The following TJP2 variants were observed in gnomAD, a reference collection of about 807,000 sequenced individuals.
TJP2 encodes tight junction protein 2, also known as Friedreich ataxia region gene X104 (tight junction protein ZO-2).
A neutral mutation model predicts 133.1 loss-of-function variants in TJP2; 91 were observed. That is an observed-to-expected ratio of 0.68 (90% CI 0.58 to 0.81). TJP2 has a LOEUF of 0.81. Ranked by LOEUF, TJP2 falls within the 40% of genes least tolerant of loss-of-function variation. The probability of loss-of-function intolerance (pLI) is 0.00; values close to 1 mark genes in which losing one functional copy is unlikely to be tolerated. For synonymous variants in TJP2, 592 were observed against 583.4 expected (o/e 1.01, Z -0.21); for missense variants, 1,541 against 1,565.6 (o/e 0.98, Z 0.26).
intron 1 of TJP2, among the ~76,000 whole-genome samples, chr9:69,201,554 C>T (rs1826993998): frequency 6.6e-6 from 1 of 152,106 alleles, no homozygotes; most frequent in Admixed American, 6.5e-5. Flanking sequence ...GAGGGCAGTG[C>T]TTTATTTGTT....
intron 5 of TJP2, among the ~76,000 whole-genome samples, chr9:69,223,698 T>C (rs892207116): frequency 6.6e-6 from 1 of 152,224 alleles, no homozygotes; most frequent in African/African-American, 2.4e-5. Context: ...CCTTCTGTTC[T>C]GGGCTGTGAG....
At chr9:69,225,211 T>C in intron 5 of TJP2, 93 bp from the exon 6 acceptor site, 1 of 843,832 alleles carries the variant, frequency 1.2e-6, no homozygotes, top group Non-Finnish European at 2.0e-6. Context: ...AAATTAACTT[T>C]TTAATACATA....
intron 1 of TJP2, among the ~76,000 whole-genome samples, chr9:69,197,528 A>G (rs907300691): frequency 1.3e-5 from 2 of 151,924 alleles, no homozygotes; most frequent in African/African-American, 4.8e-5. Context: ...TTTTTCTACC[A>G]TGTGTTCGTA....
At chr9:69,247,231 A>C (rs1312973714) in intron 18 of TJP2, among the ~76,000 whole-genome samples, 2 of 152,244 alleles carry the variant, frequency 1.3e-5, no homozygotes, top group Non-Finnish European at 2.9e-5. Flanking sequence ...AGAATGTGCC[A>C]TCGTTCTGGG....
intron 3 of TJP2, among the ~76,000 whole-genome samples, chr9:69,216,962 T>G (rs1828431827): frequency 6.7e-6 from 1 of 148,630 alleles, no homozygotes; most frequent in Admixed American, 6.9e-5. Flanking sequence ...ACCATTTTAT[T>G]TTAATTTTTA....
At chr9:69,195,585 T>C (rs1334292672) in intron 1 of TJP2, among the ~76,000 whole-genome samples, 1 of 152,156 alleles carries the variant, frequency 6.6e-6, no homozygotes, top group Non-Finnish European at 1.5e-5. Flanking sequence ...GGTTAGGGTA[T>C]AGGGTTTTTG....
chr9:69,125,087 G>C lies in TJP2; in HGVS notation c.-131+3362G>C, dbSNP rs1822268966. Reference sequence around the variant, plus strand: ...CGTGCCTCAGCCTCCCAAGTAGCTGGGTTTACAGGCATGTGCCACCACGCT... The same window carrying C: ...CGTGCCTCAGCCTCCCAAGTAGCTGCGTTTACAGGCATGTGCCACCACGCT... On this transcript the variant is annotated intron_variant, in intron 1 of 5. Coordinates refer to the TJP2 transcript ENST00000423935. 2.7e-5 allele frequency among the ~76,000 whole-genome samples: 2 copies of C among 75,028 alleles called. 1 individual carries two copies. Among genetic ancestry groups the C allele is most frequent in the Non-Finnish European group, 6.0e-5 (2 of 33,068 alleles). 49.2% of individuals were successfully genotyped at this position (75,028 alleles called of 152,430 possible).
At chr9:69,237,829 A>G (rs776614902) in intron 14 of TJP2, 49 bp from the exon 15 acceptor site, 38 of 1,328,488 alleles carry the variant, frequency 2.9e-5, no homozygotes, top group Non-Finnish European at 4.0e-5. Flanking sequence ...TGCTTATCAT[A>G]ACAGCTAGGC....
chr9:69,211,405 C>T (rs1466793392), intron 1 of TJP2, among the ~76,000 whole-genome samples: 3 of 152,186 alleles, frequency 2.0e-5, no homozygotes, highest in Non-Finnish European at 1.5e-5. Context: ...TTGTCTGTGG[C>T]TGGTATTTCA....
chr9:69,184,390 C>T (rs2133015828), intron 1 of TJP2, among the ~76,000 whole-genome samples: 1 of 152,320 alleles, frequency 6.6e-6, no homozygotes, highest in African/African-American at 2.4e-5. Flanking sequence ...TCAGCATCTC[C>T]AGCCTTGAGG....
Position 69,221,204 on chromosome 9 carries a change from C to A in TJP2, c.660C>A (p.Ser220Arg), listed in dbSNP as rs969121869. The A allele has an allele frequency of 1.9e-6, 3 of 1,603,324 alleles. No individual in the cohort carries two copies. Among genetic ancestry groups the A allele is most frequent in the Non-Finnish European group, 1.7e-6 (2 of 1,175,118 alleles). Residue 220 changes from serine to arginine, a missense_variant, in exon 5 of 23, where the codon AGC (serine) becomes AGA (arginine). Coordinates refer to ENST00000377245, the MANE Select transcript of TJP2 (RefSeq NM_004817.4). Reference protein sequence around the residue: ...ARTRDRSRGRSLERGLDHDFG... With the variant: ...ARTRDRSRGRRLERGLDHDFG... ...CCCGAGACCGCAGCCGTGGCCGGAGCCTGGAGCGGGGCCTGGACCACGACT... is the reference window on the plus strand; with the variant it reads ...CCCGAGACCGCAGCCGTGGCCGGAGACTGGAGCGGGGCCTGGACCACGACT...
chr9:69,190,078 C>T (rs1329559807), intron 1 of TJP2, among the ~76,000 whole-genome samples: 2 of 151,004 alleles, frequency 1.3e-5, no homozygotes, highest in African/African-American at 2.4e-5. Flanking sequence ...CCACTGCACT[C>T]CAGCCTGGGC....
At chr9:69,191,567 T>C (rs967996822) in intron 1 of TJP2, among the ~76,000 whole-genome samples, 1 of 152,212 alleles carries the variant, frequency 6.6e-6, no homozygotes, top group Admixed American at 6.5e-5. Flanking sequence ...TGAATGTATG[T>C]ATCAGTCACT....
intron 2 of TJP2, among the ~76,000 whole-genome samples, chr9:69,156,319 G>A (rs1823753591): frequency 6.6e-6 from 1 of 152,072 alleles, no homozygotes; most frequent in South Asian, 2.1e-4. Context: ...AGCTGAGATT[G>A]CCACTGCACT....
In TJP2 at chr9:69,254,742, G is replaced by A. The variant is rs910742874; in HGVS notation, c.*368G>A. 1.9e-6 allele frequency: 1 copy of A among 528,688 alleles called. No homozygotes were observed. Among genetic ancestry groups the A allele is most frequent in the Non-Finnish European group, 3.3e-6 (1 of 300,856 alleles). 32.7% of individuals were successfully genotyped at this position (528,688 alleles called of 1,614,324 possible). A position where few individuals can be genotyped will look rare whatever the true frequency, so the allele number is the denominator to read the frequency against. ...ATAGCTGCCTTCAAGGACTGTTTCAGTGTGAGTCAGAATGTGAAAAAGGAA... is the reference window on the plus strand; with the variant it reads ...ATAGCTGCCTTCAAGGACTGTTTCAATGTGAGTCAGAATGTGAAAAAGGAA... On this transcript the variant is annotated 3_prime_UTR_variant, in exon 23 of 23. Transcript: ENST00000377245.
intron 19 of TJP2, chr9:69,248,970 CA>C (rs56986564): frequency 0.33 from 292,425 of 882,774 alleles, 5,293 homozygotes; most frequent in South Asian, 0.37. Flanking sequence ...ATAGAACTAC[CA>C]AAAAAAAAAA....
chr9:69,187,516 T>C (rs1182128151), intron 1 of TJP2, among the ~76,000 whole-genome samples: 1 of 152,234 alleles, frequency 6.6e-6, no homozygotes, highest in Non-Finnish European at 1.5e-5. Flanking sequence ...CCTTTATCTT[T>C]CAGCAACATA....
intron 1 of TJP2, among the ~76,000 whole-genome samples, chr9:69,139,869 CCA>C (rs975838609): frequency 1.7e-4 from 26 of 152,284 alleles, no homozygotes; most frequent in African/African-American, 5.5e-4. Flanking sequence ...CCCTATACTG[CCA>C]CAGAGTCCCC....
chr9:69,229,093 T>G (rs1276988638), intron 9 of TJP2, 91 bp from the exon 10 acceptor site: 1 of 1,233,134 alleles, frequency 8.1e-7, no homozygotes, highest in African/African-American at 1.5e-5. Context: ...TGGCATAGAC[T>G]TACATTTTTT....
Sources: allele counts gnomAD v4.1 joint callset (sites outside exome capture counted in the v4.1 genomes callset), GRCh38; gene constraint gnomAD v4.1.1; transcripts MANE v1.5; gene names NCBI Gene and HGNC (gene_info 2026-07-23, HGNC 2026-07-21).